Variants in RUVBL1 observed in about 807,000 individuals in gnomAD.
RUVBL1 encodes ruvB-like 1.
In RUVBL1, 4 loss-of-function variants were observed where a neutral mutation model predicts 52.4. The observed-to-expected ratio is 0.08, with a 90% CI of 0.04 to 0.17. The LOEUF (loss-of-function observed/expected upper bound fraction) is 0.17. Among genes scored for constraint, RUVBL1 ranks in the 10% least tolerant of loss-of-function variants. The probability of loss-of-function intolerance (pLI) is 1.00; values close to 1 mark genes in which losing one functional copy is unlikely to be tolerated. For missense variants in RUVBL1, 298 were observed against 572.8 expected, an observed-to-expected ratio of 0.52 and a Z score of 4.90; for synonymous variants, 217 against 214.4, an observed-to-expected ratio of 1.01 and a Z score of -0.10.
chr3:128,096,217 A>C lies in RUVBL1; in HGVS notation c.1016+1083T>G, dbSNP rs534788592. Among the ~76,000 whole-genome samples the C allele has an allele frequency of 4.6e-5, 7 of 152,320 alleles. No homozygotes were observed. The South Asian group carries it at 1.4e-3, about 32-fold the overall frequency. On this transcript the variant is annotated intron_variant, in intron 8 of 10. Coordinates refer to ENST00000322623, the MANE Select transcript of RUVBL1 (RefSeq NM_003707.3). ...CCCAGCACTGCAGAGACCAGGCACT[A>C]ATGTTTAAACAAGATCACAGAAAAC...
intron 4 of RUVBL1, among the ~76,000 whole-genome samples, chr3:128,104,192 G>C (rs950734822): frequency 6.6e-4 from 101 of 152,190 alleles, no homozygotes; most frequent in Non-Finnish European, 3.1e-4. Context: ...TTACAGGACA[G>C]GTGGCTGAGG....
At chr3:128,109,265 G>A (rs894720353) in intron 3 of RUVBL1, among the ~76,000 whole-genome samples, 3 of 152,178 alleles carry the variant, frequency 2.0e-5, no homozygotes, top group Non-Finnish European at 4.4e-5. Context: ...CTGGCACTGG[G>A]ATGGGTGTAG....
intron 2 of RUVBL1, 26 bp downstream of exon 2, chr3:128,119,302 T>C: frequency 6.3e-7 from 1 of 1,589,888 alleles, no homozygotes. Context: ...CCTGGGTAGA[T>C]TTAAAAAATG....
At chr3:128,153,255 C>G in exon 1 of RUVBL1, 1 of 1,348,862 alleles carries the variant, frequency 7.4e-7, no homozygotes, top group South Asian at 1.9e-5. Context: ...ATCTCGGGCT[C>G]CTAGAGGCTT....
chr3:128,069,040 C>G (rs1942071493), intron 9 of RUVBL1: 1 of 155,390 alleles, frequency 6.4e-6, no homozygotes, highest in Non-Finnish European at 1.4e-5. Context: ...CAGCACTGTG[C>G]AGTAGAAGTA....
At chr3:128,065,321 A>G in intron 9 of RUVBL1, 1 of 591,062 alleles carries the variant, frequency 1.7e-6, no homozygotes, top group South Asian at 2.1e-5. Context: ...TTAAGTTCTT[A>G]GTTCAAGAGA....
intron 5 of RUVBL1, 143 bp from the exon 6 acceptor site, chr3:128,100,887 C>T (rs1943094649): frequency 1.1e-6 from 1 of 916,928 alleles, no homozygotes; most frequent in Non-Finnish European, 1.6e-6. Flanking sequence ...GCCCCACTCC[C>T]CTGCTGCCAA....
intron 8 of RUVBL1, 186 bp from the exon 9 acceptor site, chr3:128,087,994 C>A: frequency 1.9e-6 from 1 of 513,606 alleles, no homozygotes; most frequent in Non-Finnish European, 3.5e-6. Flanking sequence ...CGCAGTGGCT[C>A]ACACCTGTAA....
chr3:128,088,754 T>G (rs2107677309), intron 8 of RUVBL1, among the ~76,000 whole-genome samples: 1 of 152,122 alleles, frequency 6.6e-6, no homozygotes, highest in East Asian at 1.9e-4. Flanking sequence ...AGGCGTGAGC[T>G]ACTGCACCTG....
chr3:128,087,855 A>G (rs764649241), intron 8 of RUVBL1, 47 bp from the exon 9 acceptor site: 9 of 1,312,492 alleles, frequency 6.9e-6, no homozygotes, highest in Non-Finnish European at 9.9e-6. Context: ...CTGTTAGACA[A>G]GAAACGACAC....
chr3:128,087,939 T>A, intron 8 of RUVBL1, 131 bp from the exon 9 acceptor site: 1 of 644,794 alleles, frequency 1.6e-6, no homozygotes, highest in Non-Finnish European at 2.8e-6. Context: ...AGGACCAGAG[T>A]AAACAGACTA....
At chr3:128,106,164 G>C (rs999246118) in intron 3 of RUVBL1, among the ~76,000 whole-genome samples, 1 of 152,128 alleles carries the variant, frequency 6.6e-6, no homozygotes, top group Non-Finnish European at 1.5e-5. Flanking sequence ...ACAGGTGTGA[G>C]CTACCATTCC....
intron 4 of RUVBL1, 59 bp from the exon 5 acceptor site, chr3:128,101,707 T>A: frequency 6.4e-7 from 1 of 1,552,148 alleles, no homozygotes; most frequent in Non-Finnish European, 8.8e-7. Flanking sequence ...TCTGACACCA[T>A]GTAAGGTACC....
intron 8 of RUVBL1, among the ~76,000 whole-genome samples, chr3:128,095,919 T>A (rs1355941985): frequency 1.3e-5 from 2 of 152,176 alleles, no homozygotes; most frequent in East Asian, 3.9e-4. Flanking sequence ...TGTGCCCAGC[T>A]TGGACAGTCT....
At chr3:128,152,765 CAA>C (rs1357738306) in intron 1 of RUVBL1, among the ~76,000 whole-genome samples, 1 of 152,104 alleles carries the variant, frequency 6.6e-6, no homozygotes, top group Non-Finnish European at 1.5e-5. Context: ...GGCACAGTCC[CAA>C]AGAGTGAGCA....
At chr3:128,123,449 A>AT in intron 1 of RUVBL1, 135 bp downstream of exon 1, 1 of 1,165,840 alleles carries the variant, frequency 8.6e-7, no homozygotes. Context: ...CCCCTGGCCC[A>AT]TTTTCACTTC....
intron 9 of RUVBL1, among the ~76,000 whole-genome samples, chr3:128,066,427 GT>G (rs1941980281): frequency 6.6e-6 from 1 of 151,816 alleles, no homozygotes; most frequent in South Asian, 2.1e-4. Flanking sequence ...TTGCTTCCAT[GT>G]TTTGTTTTGT....
rs577920892 is a variant in RUVBL1 at position 128,139,900 on chromosome 3, C to T, written c.-40+13303G>A. Reference sequence around the variant, plus strand: ...GAGGCTGGGAAGGGTAGTGGGGATGCGGAGTGGGAATGCTTAATGGGTACA... The same window carrying T: ...GAGGCTGGGAAGGGTAGTGGGGATGTGGAGTGGGAATGCTTAATGGGTACA... On this transcript the variant is annotated intron_variant, in intron 1 of 9. Transcript: ENST00000464873. 1.5e-3 allele frequency among the ~76,000 whole-genome samples: 229 copies of T among 152,062 alleles called. 1 individual carries two copies. The highest frequency in any genetic ancestry group is 2.9e-3 in the Non-Finnish European group (195 of 67,968).
At chr3:128,150,728 C>A (rs1484577771) in intron 1 of RUVBL1, among the ~76,000 whole-genome samples, 1 of 109,414 alleles carries the variant, frequency 9.1e-6, no homozygotes, top group Non-Finnish European at 1.7e-5. Flanking sequence ...ATTATATATT[C>A]TATATATATT....
Sources: allele counts gnomAD v4.1 joint callset (sites outside exome capture counted in the v4.1 genomes callset), GRCh38; gene constraint gnomAD v4.1.1; transcripts MANE v1.5; gene names NCBI Gene and HGNC (gene_info 2026-07-23, HGNC 2026-07-21).